Variants in ERC1 observed in about 807,000 individuals in gnomAD.
ERC1 encodes RAB6 interacting protein 2.
In ERC1, 56 loss-of-function variants were observed where a neutral mutation model predicts 132.0. The observed-to-expected ratio is 0.42, with a 90% CI of 0.34 to 0.53. The LOEUF is 0.53. Among genes scored for constraint, ERC1 ranks in the 20% least tolerant of loss-of-function variants. The pLI is 0.03. For synonymous variants in ERC1, 478 were observed against 476.1 expected (o/e 1.00, Z -0.05); for missense variants, 1,202 against 1,349.9 (o/e 0.89, Z 1.72).
At chr12:1,099,994 C>G (rs1012902602) in intron 3 of ERC1, among the ~76,000 whole-genome samples, 1 of 151,764 alleles carries the variant, frequency 6.6e-6, no homozygotes, top group Non-Finnish European at 1.5e-5. Flanking sequence ...ATTGCAGGTG[C>G]GCACCACCAG....
chr12:1,068,890 A>G lies in ERC1; in HGVS notation c.670-14274A>G, dbSNP rs146134148. On this transcript the variant is annotated intron_variant, in intron 2 of 18. Transcript: ENST00000360905. ...GTCTTTATGTATACCTTCTTAAGTA[A>G]GCTAAACTGTCTTGAAAATGGCAGT... is the stretch of plus-strand genomic sequence containing the variant. 8.4e-3 allele frequency among the ~76,000 whole-genome samples: 1,273 copies of G among 152,332 alleles called. 23 individuals carry two copies. The highest frequency in any genetic ancestry group is 0.029 in the African/African-American group (1,218 of 41,570).
intron 4 of ERC1, among the ~76,000 whole-genome samples, chr12:1,105,373 T>G (rs1257344745): frequency 6.6e-6 from 1 of 152,184 alleles, no homozygotes; most frequent in African/African-American, 2.4e-5. Flanking sequence ...ATTTTTATTT[T>G]TTGAGATGGA....
At chr12:1,349,664 A>C (rs1176026015) in intron 15 of ERC1, among the ~76,000 whole-genome samples, 1 of 151,654 alleles carries the variant, frequency 6.6e-6, no homozygotes, top group Admixed American at 6.6e-5. Context: ...ACCGTCTAAA[A>C]AAAAAAAAAA....
At chr12:1,294,622 TTC>T (rs988948866) in intron 15 of ERC1, among the ~76,000 whole-genome samples, 1 of 152,194 alleles carries the variant, frequency 6.6e-6, no homozygotes, top group Admixed American at 6.5e-5. Flanking sequence ...TTTTCTTTTT[TTC>T]TCTGTTGGAG....
intron 12 of ERC1, among the ~76,000 whole-genome samples, chr12:1,220,750 A>G (rs1446052212): frequency 6.6e-6 from 1 of 152,214 alleles, no homozygotes; most frequent in Non-Finnish European, 1.5e-5. Flanking sequence ...ATGATTCACA[A>G]AATGTGAAAT....
At chr12:1,243,937 A>G (rs1026744828) in intron 13 of ERC1, among the ~76,000 whole-genome samples, 4 of 152,176 alleles carry the variant, frequency 2.6e-5, no homozygotes, top group East Asian at 1.9e-4. Context: ...ATTTTTTTCT[A>G]TGTAGAGCTA....
At chr12:1,077,526 T>C (rs1011168446) in intron 2 of ERC1, among the ~76,000 whole-genome samples, 9 of 152,220 alleles carry the variant, frequency 5.9e-5, no homozygotes, top group Admixed American at 2.0e-4. Flanking sequence ...CTTGGTGTAA[T>C]AATAGTACAG....
intron 15 of ERC1, among the ~76,000 whole-genome samples, chr12:1,344,754 C>T (rs539983122): frequency 1.4e-4 from 21 of 152,152 alleles, no homozygotes; most frequent in Non-Finnish European, 2.6e-4. Context: ...TATTATTTTA[C>T]ACTATCTCAA....
At chr12:1,247,119 C>T (rs541100914) in intron 13 of ERC1, among the ~76,000 whole-genome samples, 1 of 151,260 alleles carries the variant, frequency 6.6e-6, no homozygotes, top group East Asian at 1.9e-4. Flanking sequence ...TTTGAGGTTG[C>T]AGTGAGCCCA....
At chr12:1,427,218 T>C (rs2092668636) in intron 17 of ERC1, among the ~76,000 whole-genome samples, 1 of 152,314 alleles carries the variant, frequency 6.6e-6, no homozygotes, top group African/African-American at 2.4e-5. Flanking sequence ...ATGTGTGCTC[T>C]CTACCTGGCA....
At chr12:1,353,115 C>CT (rs1164158253) in intron 15 of ERC1, among the ~76,000 whole-genome samples, 3 of 149,552 alleles carry the variant, frequency 2.0e-5, no homozygotes, top group African/African-American at 7.5e-5. Context: ...ACTGCAAGCT[C>CT]CGCCTCCCGG....
Position 1,329,364 on chromosome 12 carries a change from C to T in ERC1, c.2780+39352C>T, listed in dbSNP as rs570295058. 2.2e-4 allele frequency among the ~76,000 whole-genome samples: 26 copies of T among 120,202 alleles called. 2 individuals carry two copies. Among genetic ancestry groups the T allele is most frequent in the African/African-American group, 8.5e-4 (25 of 29,258 alleles). The allele number at this position is 120,202 out of a possible 152,430, so 78.9% of individuals were successfully genotyped here. On this transcript the variant is annotated intron_variant, in intron 15 of 18. Coordinates refer to ENST00000360905, the MANE Select transcript of ERC1 (RefSeq NM_178040.4). ...TCTAAATTTTTCAATATAGATTCAT[C>T]TAATAATCTCAAAATAATTTTATAA...
At chr12:1,442,020 C>T (rs896802445) in intron 17 of ERC1, among the ~76,000 whole-genome samples, 3 of 152,100 alleles carry the variant, frequency 2.0e-5, no homozygotes, top group African/African-American at 4.8e-5. Context: ...CTCCGCTTCC[C>T]GGGTTCAAGC....
intron 1 of ERC1, among the ~76,000 whole-genome samples, chr12:1,008,452 A>T (rs2079299): frequency 0.53 from 79,792 of 151,910 alleles, 22,307 homozygotes; most frequent in African/African-American, 0.72. Context: ...AATTTTTTTT[A>T]ATTTTTTTGA....
rs747838691 is a variant in ERC1 at position 1,025,401 on chromosome 12, T to A, written c.-156-2347T>A. 2.0e-3 allele frequency among the ~76,000 whole-genome samples: 302 copies of A among 152,362 alleles called. 1 individual carries two copies. Among genetic ancestry groups the A allele is most frequent in the Non-Finnish European group, 2.8e-3 (189 of 68,038 alleles). ...ATTATACTTATGTTCACTGTATTTT[T>A]CACCTAGCTTTTGGTTTATCTTTTA... is the stretch of plus-strand genomic sequence containing the variant. On this transcript the variant is annotated intron_variant, in intron 1 of 18. Transcript: ENST00000360905.
intron 12 of ERC1, among the ~76,000 whole-genome samples, chr12:1,192,255 A>C (rs1181715739): frequency 1.3e-5 from 2 of 152,372 alleles, no homozygotes; most frequent in Admixed American, 1.3e-4. Flanking sequence ...AAACTAAGGT[A>C]GATTTTAGTT....
rs550336523 is a variant in ERC1, at chr12:1,495,198, C to G, written c.*4968C>G. The G allele has an allele frequency of 4.3e-6, 1 of 230,868 alleles. No individual in the cohort carries two copies. Among genetic ancestry groups the G allele is most frequent in the South Asian group, 1.8e-4 (1 of 5,520 alleles). The allele number at this position is 230,868 out of a possible 1,614,324, so 14.3% of individuals were successfully genotyped here. On this transcript the variant is annotated 3_prime_UTR_variant, in exon 19 of 19. Transcript: ENST00000360905. ...CTGGCAGGCCACAGGACCTCTCCTGCCCACTTGGTGCTATCTCTTCCAGTG... is the reference window on the plus strand; with the variant it reads ...CTGGCAGGCCACAGGACCTCTCCTGGCCACTTGGTGCTATCTCTTCCAGTG...
At chr12:1,439,120 C>T (rs1181885954) in intron 17 of ERC1, among the ~76,000 whole-genome samples, 1 of 152,090 alleles carries the variant, frequency 6.6e-6, no homozygotes, top group Non-Finnish European at 1.5e-5. Context: ...CTATCTGGCA[C>T]AGAGGCAGTA....
At chr12:1,045,154 A>G (rs929162277) in intron 2 of ERC1, among the ~76,000 whole-genome samples, 3 of 152,082 alleles carry the variant, frequency 2.0e-5, no homozygotes, top group African/African-American at 7.2e-5. Flanking sequence ...TAAATTATTA[A>G]TTTTTGTACT....
Sources: gnomAD v4.1 joint callset for allele counts (sites outside exome capture counted in the v4.1 genomes callset) on GRCh38, gnomAD v4.1.1 for gene constraint, MANE v1.5 for transcripts, NCBI Gene and HGNC (gene_info 2026-07-23, HGNC 2026-07-21) for gene names.